The following LRP1B variants were observed in gnomAD, a reference collection of about 807,000 sequenced individuals.
The protein encoded by LRP1B is LDL receptor related protein 1B.
LRP1B carries 217 observed loss-of-function variants against 556.6 expected under a neutral mutation model. The observed-to-expected ratio is 0.39, with a 90% CI of 0.35 to 0.44. LRP1B has a LOEUF of 0.44. Among genes scored for constraint, LRP1B ranks in the 20% least tolerant of loss-of-function variants. The pLI is 1.00. For missense variants in LRP1B, 5,053 were observed against 5,620.8 expected, an observed-to-expected ratio of 0.90 and a Z score of 3.23; for synonymous variants, 2,047 against 1,865.8, an observed-to-expected ratio of 1.10 and a Z score of -2.50.
intron 35 of LRP1B, among the ~76,000 whole-genome samples, chr2:140,732,009 T>A (rs1687796228): frequency 6.6e-6 from 1 of 152,066 alleles, no homozygotes; most frequent in South Asian, 2.1e-4. Flanking sequence ...ACAAAAAATG[T>A]TTGGCAAGCC....
At chr2:141,053,437 T>G (rs879273303) in intron 10 of LRP1B, among the ~76,000 whole-genome samples, 1 of 151,976 alleles carries the variant, frequency 6.6e-6, no homozygotes, top group South Asian at 2.1e-4. Flanking sequence ...TAACTCTACA[T>G]CTGATAGTTG....
intron 3 of LRP1B, among the ~76,000 whole-genome samples, chr2:141,332,377 A>T (rs1687685273): frequency 6.6e-6 from 1 of 151,744 alleles, no homozygotes; most frequent in Admixed American, 6.6e-5. Flanking sequence ...TGCTTACTCA[A>T]TGACCAATTT....
intron 7 of LRP1B, among the ~76,000 whole-genome samples, chr2:141,159,633 T>C (rs1702155989): frequency 1.3e-5 from 2 of 152,154 alleles, no homozygotes; most frequent in Non-Finnish European, 2.9e-5. Flanking sequence ...TGTTGCCTTT[T>C]GTTATCATCA....
intron 7 of LRP1B, among the ~76,000 whole-genome samples, chr2:141,069,807 TTTA>T (rs1699584894): frequency 6.6e-6 from 1 of 152,060 alleles, no homozygotes; most frequent in Non-Finnish European, 1.5e-5. Flanking sequence ...TCACCCTTCT[TTTA>T]TTATTATTAT....
chr2:141,673,562 T>C (rs355547), intron 2 of LRP1B, among the ~76,000 whole-genome samples: 68,841 of 151,934 alleles, frequency 0.45, 16,179 homozygotes, highest in East Asian at 0.59. Context: ...AAGTAGAATG[T>C]AATAATCAAA....
At chr2:141,583,200 G>A (rs1687014201) in intron 2 of LRP1B, among the ~76,000 whole-genome samples, 1 of 152,090 alleles carries the variant, frequency 6.6e-6, no homozygotes, top group African/African-American at 2.4e-5. Flanking sequence ...TTGGAGAAAG[G>A]AAGACTTATT....
chr2:140,692,184 C>T (rs1686266760), intron 41 of LRP1B, among the ~76,000 whole-genome samples: 2 of 152,040 alleles, frequency 1.3e-5, no homozygotes, highest in South Asian at 2.1e-4. Flanking sequence ...GAAAATATTA[C>T]TATGTTATTT....
At chr2:140,534,571 T>C (rs1690865128) in intron 46 of LRP1B, among the ~76,000 whole-genome samples, 2 of 152,164 alleles carry the variant, frequency 1.3e-5, no homozygotes. Context: ...ACAAAGCACG[T>C]ATTCCTGAAT....
chr2:141,905,199 T>C (rs1301976441), intron 1 of LRP1B, among the ~76,000 whole-genome samples: 1 of 151,830 alleles, frequency 6.6e-6, no homozygotes, highest in Non-Finnish European at 1.5e-5. Flanking sequence ...TGGATTCAAA[T>C]ACTTGAGAGA....
rs2105186666 is a variant in LRP1B at position 140,883,833 on chromosome 2, A to G, written c.4153T>C (p.Leu1385=). The change falls in exon 25 of 91, where the codon TTG becomes CTG. Residue 1385 remains leucine, a synonymous_variant. Transcript: ENST00000389484. ...GAMEHPRAIA[L]DPRYGILFWT... The stretch of plus-strand genomic sequence containing the variant: ...CTTCTTTACCCATATCTTGGGTCCA[A>G]AGCAATGGCCCTGGGGTGTTCCATG... 4 of 1,613,758 alleles carry G rather than the reference A, an allele frequency of 2.5e-6. No individual in the cohort carries two copies. The highest frequency in any genetic ancestry group is 1.3e-5 in the African/African-American group (1 of 75,006).
At position 140,392,667 on chromosome 2, in the gene LRP1B, T is replaced by A. The variant is rs892214713; in HGVS notation, c.10415-6658A>T. Among the ~76,000 whole-genome samples, 9 of 152,214 alleles carry A rather than the reference T, an allele frequency of 5.9e-5. No homozygotes were observed. In the South Asian group the frequency reaches 1.9e-3, roughly 32 times the overall value. On this transcript the variant is annotated intron_variant, in intron 66 of 90. Coordinates refer to ENST00000389484, the MANE Select transcript of LRP1B (RefSeq NM_018557.3). Reference sequence around the variant, plus strand: ...CACACCCGGCTAATTTTTGTACTTTTAGTAGAGACCAGTGCTTTCCTATAT... The same window carrying A: ...CACACCCGGCTAATTTTTGTACTTTAAGTAGAGACCAGTGCTTTCCTATAT...
At chr2:142,055,280 A>T (rs549916417) in intron 1 of LRP1B, among the ~76,000 whole-genome samples, 2 of 152,270 alleles carry the variant, frequency 1.3e-5, no homozygotes, top group South Asian at 4.1e-4. Flanking sequence ...GTAAGAAAAC[A>T]TCCCTCCATG....
chr2:140,820,038 C>T (rs1320051922), intron 31 of LRP1B, among the ~76,000 whole-genome samples: 2 of 152,162 alleles, frequency 1.3e-5, no homozygotes, highest in African/African-American at 2.4e-5. Flanking sequence ...CTCGCTCTGT[C>T]GCCCAGGCTG....
At chr2:141,732,451 T>C in intron 2 of LRP1B, among the ~76,000 whole-genome samples, 1 of 152,134 alleles carries the variant, frequency 6.6e-6, no homozygotes, top group African/African-American at 2.4e-5. Context: ...TGGACAAATT[T>C]TCATCTGATT....
Position 141,804,656 on chromosome 2 carries a change from G to A in LRP1B, c.205+5623C>T, listed in dbSNP as rs550272897. 6.6e-5 allele frequency among the ~76,000 whole-genome samples: 10 copies of A among 152,080 alleles called. No individual in the cohort carries two copies. The East Asian group carries it at 1.9e-3, about 30-fold the overall frequency. On this transcript the variant is annotated intron_variant, in intron 2 of 90. Transcript: ENST00000389484. ...GACCGAGAGGGGGCAGTTAGATTGT[G>A]TATCAAAAGAACCTCAAGGTAAGAT...
At chr2:140,628,289 G>A (rs1320496728) in intron 41 of LRP1B, among the ~76,000 whole-genome samples, 1 of 152,110 alleles carries the variant, frequency 6.6e-6, no homozygotes, top group African/African-American at 2.4e-5. Context: ...CCCACACTTT[G>A]GGAGGCCGAG....
chr2:141,273,241 A>AG (rs1685156216), intron 3 of LRP1B, among the ~76,000 whole-genome samples: 1 of 151,928 alleles, frequency 6.6e-6, no homozygotes, highest in African/African-American at 2.4e-5. Context: ...CCCAGGAGGT[A>AG]GGGGTTGCAG....
intron 43 of LRP1B, among the ~76,000 whole-genome samples, chr2:140,551,136 A>C (rs963691619): frequency 2.2e-4 from 34 of 152,304 alleles, no homozygotes; most frequent in African/African-American, 7.2e-4. Flanking sequence ...TCTGTTGTTT[A>C]AGCCACCCAG....
At chr2:140,248,011 T>C (rs1161326476) in intron 86 of LRP1B, among the ~76,000 whole-genome samples, 1 of 151,430 alleles carries the variant, frequency 6.6e-6, no homozygotes, top group Non-Finnish European at 1.5e-5. Flanking sequence ...TACCACCATA[T>C]CAAGAATAGT....
Sources: gnomAD v4.1 joint callset for allele counts (sites outside exome capture counted in the v4.1 genomes callset) on GRCh38, gnomAD v4.1.1 for gene constraint, MANE v1.5 for transcripts, NCBI Gene and HGNC (gene_info 2026-07-23, HGNC 2026-07-21) for gene names.